Variants in ZNF536 observed in about 807,000 individuals in gnomAD.
ZNF536 encodes zinc finger protein 536.
Under a neutral mutation model 84.5 loss-of-function variants are expected in ZNF536, and 13 were observed. The observed-to-expected ratio is 0.15, with a 90% CI of 0.10 to 0.24. The LOEUF is 0.24. Among genes scored for constraint, ZNF536 ranks in the 10% least tolerant of loss-of-function variants. The pLI, the probability that ZNF536 is intolerant of heterozygous loss-of-function variation, is 1.00. For synonymous variants in ZNF536, 811 were observed against 742.5 expected, an observed-to-expected ratio of 1.09 and a Z score of -1.50; for missense variants, 1,536 against 1,747.5, an observed-to-expected ratio of 0.88 and a Z score of 2.16.
At chr19:30,227,125 G>C (rs748963758), upstream of ZNF536, among the ~76,000 whole-genome samples, 11 of 152,090 alleles carry the variant, frequency 7.2e-5, no homozygotes, top group Non-Finnish European at 1.3e-4. Context: ...TGTATGTGAA[G>C]TGGAGGAAGG....
intron 1 of ZNF536, among the ~76,000 whole-genome samples, chr19:30,381,709 G>A (rs960946056): frequency 4.6e-5 from 7 of 152,202 alleles, no homozygotes; most frequent in Admixed American, 4.6e-4. Flanking sequence ...AAGCCTCAAA[G>A]GGTATGGATG....
At chr19:30,656,537 G>T (rs1199317995) in intron 1 of ZNF536, among the ~76,000 whole-genome samples, 1 of 152,180 alleles carries the variant, frequency 6.6e-6, no homozygotes, top group Non-Finnish European at 1.5e-5. Context: ...TGTCAATGTT[G>T]TTGTGTGTAC....
intron 1 of ZNF536, among the ~76,000 whole-genome samples, chr19:30,630,820 T>C (rs1424531411): frequency 6.6e-6 from 1 of 152,054 alleles, no homozygotes; most frequent in African/African-American, 2.4e-5. Context: ...CTTTTATTGC[T>C]CTCCCAGCCA....
rs906624550 is a variant in ZNF536 at position 30,650,334 on chromosome 19, C to T, written c.170-60423C>T. On this transcript the variant is annotated intron_variant, in intron 1 of 1. Transcript: ENST00000592773. ...TGAATCAGATTGGCTCTCTTGGTGA[C>T]CATATGAAGCTCTGAGGGGCCATGA... 7.2e-5 allele frequency among the ~76,000 whole-genome samples: 11 copies of T among 152,126 alleles called. 1 individual carries two copies. The highest frequency in any genetic ancestry group is 2.7e-4 in the African/African-American group (11 of 41,408).
rs143394000 is a variant in ZNF536, at chr19:30,334,683, T to C, written c.-119-17685T>C. On this transcript the variant is annotated intron_variant, in intron 2 of 5. Transcript: ENST00000585628. Reference sequence around the variant, plus strand: ...ACACGGTGGGTTGATCATGGAGATGTTATTCATGATGAAAATTCTATGGCC... The same window carrying C: ...ACACGGTGGGTTGATCATGGAGATGCTATTCATGATGAAAATTCTATGGCC... Among the ~76,000 whole-genome samples the C allele has an allele frequency of 2.4e-3, 371 of 152,310 alleles. 2 individuals carry two copies. Among genetic ancestry groups the C allele is most frequent in the African/African-American group, 8.2e-3 (342 of 41,556 alleles).
At chr19:30,396,509 A>T (rs986082326) in intron 1 of ZNF536, among the ~76,000 whole-genome samples, 3 of 151,846 alleles carry the variant, frequency 2.0e-5, no homozygotes, top group Non-Finnish European at 4.4e-5. Flanking sequence ...AGTTTCAGGG[A>T]AGAGAGTAAG....
chr19:30,284,926 G>C (rs1412647546), intron 2 of ZNF536, among the ~76,000 whole-genome samples: 1 of 152,076 alleles, frequency 6.6e-6, no homozygotes, highest in Non-Finnish European at 1.5e-5. Flanking sequence ...CTGATTTTGT[G>C]GATATTCCTG....
At chr19:30,264,966 T>TGTGAGAGAGAGAGA (rs59889852) in intron 1 of ZNF536, among the ~76,000 whole-genome samples, 8 of 133,858 alleles carry the variant, frequency 6.0e-5, no homozygotes, top group South Asian at 2.7e-4. Context: ...TGTGTGTGTG[T>TGTGAGAGAGAGAGA]GAGAGAGAGA....
chr19:30,597,879 T>G (rs1198215442), intron 1 of ZNF536, among the ~76,000 whole-genome samples: 2 of 139,844 alleles, frequency 1.4e-5, no homozygotes, highest in East Asian at 3.9e-4. Flanking sequence ...ATATGTGTAT[T>G]GTTGTTGTGT....
Position 30,701,428 on chromosome 19 carries a change from CACACACAG to C in ZNF536, c.170-9323_170-9316del, listed in dbSNP as rs1240873046. Among the ~76,000 whole-genome samples, 806 of 151,800 alleles carry C rather than the reference CACACACAG, an allele frequency of 5.3e-3. 5 individuals carry two copies. The highest frequency in any genetic ancestry group is 0.019 in the African/African-American group (768 of 41,390). Reference sequence around the variant, plus strand: ...ACACAGACACAAAAACACACAAACACACACACAGACACAAACACACAGAAACACAAACA... The same window carrying C: ...ACACAGACACAAAAACACACAAACACACACAAACACACAGAAACACAAACA... On this transcript the variant is annotated intron_variant, in intron 1 of 1. Coordinates refer to the ZNF536 transcript ENST00000592773.
intron 1 of ZNF536, among the ~76,000 whole-genome samples, chr19:30,241,062 A>T (rs2023907102): frequency 6.6e-6 from 1 of 152,212 alleles, no homozygotes; most frequent in Non-Finnish European, 1.5e-5. Context: ...TCACACCTTT[A>T]ATCCCAGCAC....
intron 2 of ZNF536, among the ~76,000 whole-genome samples, chr19:30,516,410 G>A (rs2044074892): frequency 6.6e-6 from 1 of 152,198 alleles, no homozygotes; most frequent in African/African-American, 2.4e-5. Flanking sequence ...GGGGCAACAG[G>A]AAAAGGACAA....
At chr19:30,572,908 C>T (rs774446668) in intron 1 of ZNF536, among the ~76,000 whole-genome samples, 2 of 152,162 alleles carry the variant, frequency 1.3e-5, no homozygotes, top group African/African-American at 4.8e-5. Flanking sequence ...TTTTAATGGC[C>T]ATATACAACA....
chr19:30,339,720 G>A (rs1471925660), intron 2 of ZNF536, among the ~76,000 whole-genome samples: 1 of 152,190 alleles, frequency 6.6e-6, no homozygotes, highest in Non-Finnish European at 1.5e-5. Flanking sequence ...GACAAGAGGG[G>A]CTGCTACAGC....
At chr19:30,606,906 T>C (rs1235434748) in intron 1 of ZNF536, among the ~76,000 whole-genome samples, 1 of 152,010 alleles carries the variant, frequency 6.6e-6, no homozygotes, top group Non-Finnish European at 1.5e-5. Flanking sequence ...CATGGAACAC[T>C]GGGGGCAGCT....
chr19:30,374,864 CCGCCCGGGCTGGGGCGCCTGCCGCCCG>C (rs2048750033), intron 1 of ZNF536, among the ~76,000 whole-genome samples: 1 of 151,394 alleles, frequency 6.6e-6, no homozygotes, highest in Non-Finnish European at 1.5e-5. Context: ...GACTGGCCCC[CCGCCCGGGCTGGGGCGCCTGCCGCCCG>C]CGAGCCGGAA....
rs747025798 is a variant in ZNF536, at chr19:30,472,602, A to G, written c.2170+26870A>G. ...TGTAGTGATGGATAAACGCACTTCG[A>G]GGCACAGGTGACTTAAAGAAATTCA... On this transcript the variant is annotated intron_variant, in intron 2 of 4. Coordinates refer to ENST00000355537, the MANE Select transcript of ZNF536 (RefSeq NM_014717.3). 3.9e-5 allele frequency among the ~76,000 whole-genome samples: 6 copies of G among 152,326 alleles called. No homozygotes were observed. In the South Asian group the frequency reaches 1.2e-3, roughly 32 times the overall value.
rs745400690 is a variant in ZNF536 at position 30,548,270 on chromosome 19, C to T, written c.2651C>T (p.Ala884Val). 8 of 1,614,110 alleles carry T rather than the reference C, an allele frequency of 5.0e-6. No homozygotes were observed. The African/African-American group carries it at 6.7e-5, about 13-fold the overall frequency. ...ATGTCTTCGGAGGTCCCCTCAGATG[C>T]TCTGAAAGGCACTGACCTTCCTTCC... ...TGMSSEVPSDALKGTDLPSKS... is the reference protein window; with the variant it reads ...TGMSSEVPSDVLKGTDLPSKS... Residue 884 changes from alanine to valine, a missense_variant, in exon 4 of 5, where the codon GCT becomes GTT. Ala to Val is a moderately conservative substitution (Grantham distance 64, BLOSUM62 0). Around this residue, in one of 8 missense-constraint regions of ZNF536, gnomAD observed 624 missense variants for 603.1 expected, o/e 1.03. Transcript: ENST00000355537.
At chr19:30,365,389 A>C (rs1181061012) in intron 3 of ZNF536, among the ~76,000 whole-genome samples, 2 of 151,822 alleles carry the variant, frequency 1.3e-5, no homozygotes, top group African/African-American at 2.4e-5. Context: ...CTCCTTTAGA[A>C]GGGAAGGGAC....
Sources: gnomAD v4.1 joint callset for allele counts (sites outside exome capture counted in the v4.1 genomes callset) on GRCh38, gnomAD v4.1.1 for gene constraint, gnomAD v4.1.1 regional missense constraint, MANE v1.5 for transcripts, NCBI Gene and HGNC (gene_info 2026-07-23, HGNC 2026-07-21) for gene names.